The following PKHD1 variants were observed in gnomAD, a reference collection of about 807,000 sequenced individuals.
PKHD1 encodes fibrocystin.
Under a neutral mutation model 412.0 loss-of-function variants are expected in PKHD1, and 291 were observed. That is an observed-to-expected ratio of 0.71 (90% CI 0.64 to 0.78). The LOEUF (loss-of-function observed/expected upper bound fraction) is 0.78, where lower values mean the gene tolerates loss of function less well. Among genes scored for constraint, PKHD1 ranks in the 30% least tolerant of loss-of-function variants. The pLI is 0.00. For synonymous variants in PKHD1, 1,777 were observed against 1,821.5 expected, an observed-to-expected ratio of 0.98 and a Z score of 0.62; for missense variants, 4,825 against 4,950.7, an observed-to-expected ratio of 0.97 and a Z score of 0.76.
chr6:51,747,847 G>A lies in PKHD1; in HGVS notation c.9769C>T (p.Gln3257Ter). The change falls in exon 58 of 67, where the codon CAG (glutamine) becomes TAG (stop). Residue 3257 changes from glutamine to a stop codon, truncating the protein, a stop_gained. Coordinates refer to ENST00000371117, the MANE Select transcript of PKHD1 (RefSeq NM_138694.4). LOFTEE classifies it high-confidence loss of function. ...TTCCTCACTTTGTGCCATGGCTCCTGAGGCCACTGATTTGGTTCTGAGGTG... is the reference window on the plus strand; with the variant it reads ...TTCCTCACTTTGTGCCATGGCTCCTAAGGCCACTGATTTGGTTCTGAGGTG... The part of the protein sequence containing the change: ...VFTSEPNQWP[Q>*]EPWHKVRNDH... 1 of 1,613,772 alleles carries A rather than the reference G, an allele frequency of 6.2e-7. No homozygotes were observed. The highest frequency in any genetic ancestry group is 8.5e-7 in the Non-Finnish European group (1 of 1,179,760).
Position 51,941,592 on chromosome 6 carries a change from A to G in PKHD1, c.5909-7270T>C, listed in dbSNP as rs1466658680. On this transcript the variant is annotated intron_variant, in intron 36 of 66. Coordinates refer to ENST00000371117, the MANE Select transcript of PKHD1 (RefSeq NM_138694.4). ...TTAAAGCCTATAAACTCTCTTTACA[A>G]TTCCACCATTTTACCTGTCCTAAAA... Among the ~76,000 whole-genome samples the G allele has an allele frequency of 1.3e-5, 2 of 151,368 alleles. 1 individual carries two copies. Among genetic ancestry groups the G allele is most frequent in the Non-Finnish European group, 3.0e-5 (2 of 67,690 alleles).
intron 43 of PKHD1, among the ~76,000 whole-genome samples, chr6:51,897,710 C>T (rs1352981248): frequency 1.4e-5 from 2 of 145,502 alleles, no homozygotes; most frequent in Non-Finnish European, 3.0e-5. Context: ...TTAAAAGACA[C>T]AGACTGGCAA....
chr6:51,748,271 T>G lies in PKHD1; in HGVS notation c.9345A>C (p.Glu3115Asp). The G allele has an allele frequency of 1.2e-6, 2 of 1,614,042 alleles. No individual in the cohort carries two copies. Among genetic ancestry groups the G allele is most frequent in the Non-Finnish European group, 1.7e-6 (2 of 1,179,966 alleles). ...GCGCCACATTGTCAGACCAAAGCAG[T>G]TCACAAGAGGAGCACTTGTGGCCTC... ...HIRGHKCSSCELLWSDNVAHS... is the reference protein window; with the variant it reads ...HIRGHKCSSCDLLWSDNVAHS... Residue 3115 changes from glutamate (E) to aspartate (D), a missense_variant, in exon 58 of 67, where the codon GAA becomes GAC. Physicochemically the swap from Glu to Asp is conservative, Grantham distance 45. Coordinates refer to ENST00000371117, the MANE Select transcript of PKHD1 (RefSeq NM_138694.4).
chr6:51,842,108 C>A (rs1353708712), intron 50 of PKHD1, among the ~76,000 whole-genome samples: 1 of 152,330 alleles, frequency 6.6e-6, no homozygotes, highest in East Asian at 1.9e-4. Context: ...GACATTTGGA[C>A]ACAAGTGTTG....
chr6:51,937,719 A>G (rs932269349), intron 36 of PKHD1, among the ~76,000 whole-genome samples: 5 of 152,156 alleles, frequency 3.3e-5, no homozygotes, highest in African/African-American at 1.2e-4. Flanking sequence ...CAGTTTCTCC[A>G]TCTGTAAAAT....
chr6:51,733,085 T>A (rs1783417860), intron 60 of PKHD1, among the ~76,000 whole-genome samples: 1 of 152,160 alleles, frequency 6.6e-6, no homozygotes, highest in Admixed American at 6.5e-5. Context: ...GAGAGTGGAA[T>A]GTTGGTTTTC....
Position 52,065,991 on chromosome 6 carries a change from G to C in PKHD1, c.865C>G (p.Gln289Glu). 1 of 1,558,680 alleles carries C rather than the reference G, an allele frequency of 6.4e-7. No individual in the cohort carries two copies. The highest frequency in any genetic ancestry group is 8.9e-7 in the Non-Finnish European group (1 of 1,129,686). The change falls in exon 12 of 67, where the codon CAG (glutamine) becomes GAG (glutamate). Residue 289 changes from glutamine to glutamate, a missense_variant. Gln to Glu is a conservative substitution (Grantham distance 29). Coordinates refer to ENST00000371117, the MANE Select transcript of PKHD1 (RefSeq NM_138694.4). ...ITGDFFDNSA[Q>E]VTIAGIPCDI... ...TCATAGTTACCTGCAATGGTAACCT[G>C]GGCAGAATTGTCAAAAAAGTCTCCT...
chr6:51,898,514 A>C (rs1466128069), intron 43 of PKHD1, among the ~76,000 whole-genome samples: 1 of 146,002 alleles, frequency 6.8e-6, no homozygotes, highest in Non-Finnish European at 1.5e-5. Flanking sequence ...CATTCAAAGC[A>C]GTGTGTAGAG....
chr6:51,804,147 C>T (rs1763348450), intron 52 of PKHD1, among the ~76,000 whole-genome samples: 1 of 151,306 alleles, frequency 6.6e-6, no homozygotes, highest in African/African-American at 2.5e-5. Flanking sequence ...TTTCTTCCTA[C>T]TTTCGAGTGC....
At position 51,659,387 on chromosome 6, in the gene PKHD1, A is replaced by G. The variant is rs367808350; in HGVS notation, c.10739T>C (p.Ile3580Thr). The change falls in exon 61 of 67, where the codon ATA becomes ACA. Residue 3580 changes from isoleucine (I) to threonine (T), a missense_variant. By Grantham distance (89) the Ile-to-Thr change is moderately conservative. Coordinates refer to ENST00000371117, the MANE Select transcript of PKHD1 (RefSeq NM_138694.4). ...SVLEKGWEIV[I>T]LERLTNFLQI... ...TAAGAAGTTAGTTAGTCTTTCGAGT[A>G]TTACTATTTCCCAGCCTTTTTCTAA... The G allele has an allele frequency of 7.4e-6, 12 of 1,613,656 alleles. No individual in the cohort carries two copies. Among genetic ancestry groups the G allele is most frequent in the Non-Finnish European group, 1.0e-5 (12 of 1,179,870 alleles).
At chr6:51,984,846 A>C (rs1224883787) in intron 35 of PKHD1, among the ~76,000 whole-genome samples, 2 of 152,230 alleles carry the variant, frequency 1.3e-5, no homozygotes, top group Non-Finnish European at 2.9e-5. Flanking sequence ...GTTTTTATTC[A>C]CCAAATTAAC....
At position 51,925,310 on chromosome 6, in the gene PKHD1, C is replaced by T. The variant is rs116180098; in HGVS notation, c.6121+8800G>A. 3.9e-5 allele frequency among the ~76,000 whole-genome samples: 6 copies of T among 152,284 alleles called. No individual in the cohort carries two copies. The South Asian group carries it at 1.0e-3, about 26-fold the overall frequency. ...GTCAAGATGAGAGGCTTGAAATCCT[C>T]GTGTGTCTAAAATACGATACAGAGT... On this transcript the variant is annotated intron_variant, in intron 37 of 66. Coordinates refer to ENST00000371117, the MANE Select transcript of PKHD1 (RefSeq NM_138694.4).
In PKHD1 at chr6:52,055,824, A is replaced by G. The variant is rs567700727; in HGVS notation, c.1694-95T>C. On this transcript the variant is annotated intron_variant, in intron 18 of 66. Coordinates refer to ENST00000371117, the MANE Select transcript of PKHD1 (RefSeq NM_138694.4). Reference sequence around the variant, plus strand: ...GTGCATGAGGATTTTAGAGTATCTCACTTAAGAAAACCCCCGTTCTAACCC... The same window carrying G: ...GTGCATGAGGATTTTAGAGTATCTCGCTTAAGAAAACCCCCGTTCTAACCC... The G allele has an allele frequency of 1.4e-5, 19 of 1,322,792 alleles. No individual in the cohort carries two copies. In the African/African-American group the frequency reaches 2.6e-4, roughly 18 times the overall value. 81.9% of individuals were successfully genotyped at this position (1,322,792 alleles called of 1,614,324 possible). A position where few individuals can be genotyped will look rare whatever the true frequency, so the allele number is the denominator to read the frequency against.
chr6:52,036,643 G>C (rs555273163), intron 27 of PKHD1, among the ~76,000 whole-genome samples: 2 of 151,912 alleles, frequency 1.3e-5, no homozygotes, highest in African/African-American at 2.4e-5. Context: ...AGTGTGACTC[G>C]GTGGACTAGT....
At chr6:51,740,046 T>C in intron 60 of PKHD1, 1 of 518,644 alleles carries the variant, frequency 1.9e-6, no homozygotes, top group South Asian at 1.4e-5. Context: ...GTTCAGATCA[T>C]CAGATGCCTC....
intron 52 of PKHD1, among the ~76,000 whole-genome samples, chr6:51,793,728 A>G (rs1263342514): frequency 6.6e-6 from 1 of 152,230 alleles, no homozygotes; most frequent in Admixed American, 6.5e-5. Flanking sequence ...GCTGCATAGT[A>G]TTCCATTGTA....
chr6:51,744,643 A>T, intron 59 of PKHD1, 101 bp from the exon 60 acceptor site: 6 of 877,342 alleles, frequency 6.8e-6, no homozygotes, highest in Non-Finnish European at 1.1e-5. Flanking sequence ...AATTCAACAG[A>T]TTTTTATTAT....
At chr6:51,759,749 C>A (rs79684710) in intron 55 of PKHD1, among the ~76,000 whole-genome samples, 6,754 of 152,156 alleles carry the variant, frequency 0.044, 210 homozygotes, top group Middle Eastern at 0.11. Context: ...TTAACTCCCT[C>A]AATCCTTATA....
At chr6:51,764,256 C>A (rs1364658845) in intron 55 of PKHD1, among the ~76,000 whole-genome samples, 1 of 149,482 alleles carries the variant, frequency 6.7e-6, no homozygotes, top group East Asian at 2.0e-4. Context: ...GGGCGAAAGA[C>A]ATGAACAGAC....
Sources: allele counts gnomAD v4.1 joint callset (sites outside exome capture counted in the v4.1 genomes callset), GRCh38; gene constraint gnomAD v4.1.1; transcripts MANE v1.5; gene names NCBI Gene and HGNC (gene_info 2026-07-23, HGNC 2026-07-21).